FAT4: variants seen among roughly 807,000 people sequenced by gnomAD.
FAT4 encodes FAT atypical cadherin 4.
A neutral mutation model predicts 303.9 loss-of-function variants in FAT4; 84 were observed. That is an observed-to-expected ratio of 0.28 (90% CI 0.23 to 0.33). The LOEUF is 0.33. FAT4 is among the 10% of genes least tolerant of loss of function. FAT4 has a pLI of 1.00. For missense variants in FAT4, 6,005 were observed against 6,146.8 expected (o/e 0.98, Z 0.77); for synonymous variants, 2,307 against 2,298.8 (o/e 1.00, Z -0.10).
At position 125,451,153 on chromosome 4, in the gene FAT4, C is replaced by A; in HGVS notation, c.10143C>A (p.Gly3381=). ...TGAAGGTATTGGCCAAGAACTTTGG[C>A]AGCATTAGAGGTGCAGATATAGATG... ...VSLKVLAKNF[G]SIRGADIDEV... The change falls in exon 10 of 18, where the codon GGC becomes GGA. Residue 3381 remains glycine, a synonymous_variant. Coordinates refer to ENST00000394329, the MANE Select transcript of FAT4 (RefSeq NM_001291303.3). The A allele has an allele frequency of 6.2e-7, 1 of 1,614,124 alleles. No individual in the cohort carries two copies. Among genetic ancestry groups the A allele is most frequent in the South Asian group, 1.1e-5 (1 of 91,082 alleles).
chr4:125,356,666 G>T (rs546498987), intron 2 of FAT4, among the ~76,000 whole-genome samples: 2 of 148,718 alleles, frequency 1.3e-5, no homozygotes, highest in Admixed American at 1.4e-4. Context: ...ACTAATATAA[G>T]TAGAATATAG....
intron 2 of FAT4, among the ~76,000 whole-genome samples, chr4:125,385,822 T>C (rs1245978989): frequency 6.6e-6 from 1 of 152,206 alleles, no homozygotes; most frequent in African/African-American, 2.4e-5. Flanking sequence ...AAAGTCAATT[T>C]TTAAAAAAAA....
intron 2 of FAT4, among the ~76,000 whole-genome samples, chr4:125,355,647 A>G (rs1464776862): frequency 6.6e-6 from 1 of 152,052 alleles, no homozygotes; most frequent in African/African-American, 2.4e-5. Flanking sequence ...TTTATGATAC[A>G]GGTAAAATAT....
chr4:125,420,680 A>G (rs1735254244), intron 7 of FAT4, among the ~76,000 whole-genome samples: 1 of 152,208 alleles, frequency 6.6e-6, no homozygotes, highest in Admixed American at 6.5e-5. Flanking sequence ...AATTGCAGTC[A>G]CATGTAAGGA....
Position 125,315,656 on chromosome 4 carries a change from G to T in FAT4, c.-334G>T, listed in dbSNP as rs1730544569. Among the ~76,000 whole-genome samples, 1 of 152,128 alleles carries T rather than the reference G, an allele frequency of 6.6e-6. No individual in the cohort carries two copies. The highest frequency in any genetic ancestry group is 1.5e-5 in the Non-Finnish European group (1 of 68,008). On this transcript the variant is annotated 5_prime_UTR_variant, in exon 1 of 18. Coordinates refer to ENST00000394329, the MANE Select transcript of FAT4 (RefSeq NM_001291303.3). ...ACGGGCTTGAAGCCGCAACAGGGGCGGCGGCGGCGGCGGCTGCAGGAGGGG... is the reference window on the plus strand; with the variant it reads ...ACGGGCTTGAAGCCGCAACAGGGGCTGCGGCGGCGGCGGCTGCAGGAGGGG...
intron 8 of FAT4, among the ~76,000 whole-genome samples, chr4:125,440,606 TGTGTGAGAGAGAGA>T (rs1393331649): frequency 3.4e-5 from 1 of 29,718 alleles, no homozygotes; most frequent in Non-Finnish European, 7.9e-5. Context: ...TGTGTGTGTG[TGTGTGAGAGAGAGA>T]GAGAGAGAGA....
intron 14 of FAT4, among the ~76,000 whole-genome samples, 175 bp from the exon 15 acceptor site, chr4:125,479,566 T>A (rs1346598421): frequency 2.0e-5 from 3 of 152,226 alleles, no homozygotes; most frequent in African/African-American, 4.8e-5. Flanking sequence ...TGAGGCAGAC[T>A]ATGTTTTCTA....
intron 3 of FAT4, among the ~76,000 whole-genome samples, chr4:125,405,307 A>T (rs1430495719): frequency 1.3e-5 from 2 of 152,116 alleles, no homozygotes; most frequent in African/African-American, 2.4e-5. Context: ...GAGGACCTCC[A>T]TACTGTTTTT....
At chr4:125,454,973 G>A (rs887299874) in intron 10 of FAT4, among the ~76,000 whole-genome samples, 6 of 152,138 alleles carry the variant, frequency 3.9e-5, no homozygotes, top group African/African-American at 1.4e-4. Flanking sequence ...CATGAAACCT[G>A]TGTAGCGGAA....
chr4:125,475,883 G>A (rs142756085), intron 12 of FAT4, among the ~76,000 whole-genome samples: 3 of 152,082 alleles, frequency 2.0e-5, no homozygotes, highest in East Asian at 1.9e-4. Flanking sequence ...AAAGATTAAC[G>A]GCATTTTTAT....
intron 10 of FAT4, among the ~76,000 whole-genome samples, chr4:125,454,847 C>T (rs1245066202): frequency 6.6e-6 from 1 of 152,094 alleles, no homozygotes; most frequent in Non-Finnish European, 1.5e-5. Flanking sequence ...AACAAACAAA[C>T]AAAACCCACG....
chr4:125,371,410 C>G (rs1733108778), intron 2 of FAT4, among the ~76,000 whole-genome samples: 1 of 151,718 alleles, frequency 6.6e-6, no homozygotes. Context: ...TTGGAGAGAG[C>G]CATGAAATTC....
intron 2 of FAT4, among the ~76,000 whole-genome samples, chr4:125,369,665 T>G (rs1733028695): frequency 6.6e-6 from 1 of 152,206 alleles, no homozygotes; most frequent in African/African-American, 2.4e-5. Context: ...TGTATTATTC[T>G]GAGTCATTGA....
At chr4:125,472,652 C>G (rs970124029) in intron 12 of FAT4, among the ~76,000 whole-genome samples, 2 of 152,138 alleles carry the variant, frequency 1.3e-5, no homozygotes, top group Admixed American at 6.6e-5. Context: ...GAATTGGCAT[C>G]AGATACAATG....
At chr4:125,332,012 A>G (rs1731405038) in intron 2 of FAT4, among the ~76,000 whole-genome samples, 1 of 152,172 alleles carries the variant, frequency 6.6e-6, no homozygotes, top group Admixed American at 6.5e-5. Context: ...AGCCTACTTC[A>G]TAGCTTCTTG....
intron 7 of FAT4, among the ~76,000 whole-genome samples, chr4:125,426,995 T>C (rs1017254224): frequency 6.6e-6 from 1 of 151,946 alleles, no homozygotes; most frequent in Admixed American, 6.6e-5. Flanking sequence ...TTCTTAAATA[T>C]ATAATTTGAT....
chr4:125,454,116 A>T (rs1021048596), intron 10 of FAT4, among the ~76,000 whole-genome samples: 3 of 152,242 alleles, frequency 2.0e-5, no homozygotes, highest in African/African-American at 4.8e-5. Context: ...CATAATTTAC[A>T]GTACTAGTAG....
rs771880495 is a variant in FAT4, at chr4:125,316,515, C to T, written c.104C>T (p.Pro35Leu). 7 of 1,613,852 alleles carry T rather than the reference C, an allele frequency of 4.3e-6. No individual in the cohort carries two copies. The African/African-American group carries it at 5.3e-5, about 12-fold the overall frequency. ...GTGTTTTGGCTACTGTCATTGCTTC[C>T]GGGGCAGGCCTGGGTCCACGGGGCC... ...LRVFWLLSLL[P>L]GQAWVHGAEP... Residue 35 changes from proline to leucine, a missense_variant, in exon 2 of 18, where the codon CCG becomes CTG. Physicochemically the swap from Pro to Leu is moderately conservative, Grantham distance 98 (BLOSUM62 -3). Transcript: ENST00000394329. The surrounding 1 kb of genome is among the most constrained non-coding windows in gnomAD (Gnocchi z 5.7).
chr4:125,456,232 C>T (rs1029858692), intron 10 of FAT4, among the ~76,000 whole-genome samples: 1 of 152,122 alleles, frequency 6.6e-6, no homozygotes, highest in Non-Finnish European at 1.5e-5. Flanking sequence ...ATTATTCTTC[C>T]TGTTTTACAC....
Sources: allele counts gnomAD v4.1 joint callset (sites outside exome capture counted in the v4.1 genomes callset), GRCh38; gene constraint gnomAD v4.1.1; non-coding constraint Gnocchi (gnomAD v3.1); transcripts MANE v1.5; gene names NCBI Gene and HGNC (gene_info 2026-07-23, HGNC 2026-07-21).